Variants in XYLT2 observed in about 807,000 individuals in gnomAD.
XYLT2 encodes UDP-D-xylose:proteoglycan core protein beta-D-xylosyltransferase.
Under a neutral mutation model 82.6 loss-of-function variants are expected in XYLT2, and 37 were observed. The observed-to-expected ratio is 0.45, with a 90% CI of 0.34 to 0.59. XYLT2 has a LOEUF of 0.59. Ranked by LOEUF, XYLT2 falls within the 20% of genes least tolerant of loss-of-function variation. The pLI is 0.01. For missense variants in XYLT2, 934 were observed against 1,181.3 expected, an observed-to-expected ratio of 0.79 and a Z score of 3.07; for synonymous variants, 474 against 499.0, an observed-to-expected ratio of 0.95 and a Z score of 0.67.
intron 1 of XYLT2, among the ~76,000 whole-genome samples, chr17:50,351,073 G>T (rs1246686283): frequency 6.6e-6 from 1 of 152,158 alleles, no homozygotes; most frequent in South Asian, 2.1e-4. Context: ...TCCTGTAAGG[G>T]CCTTGGTTTT....
intron 9 of XYLT2, 75 bp from the exon 10 acceptor site, chr17:50,358,132 C>A: frequency 1.5e-6 from 2 of 1,344,248 alleles, no homozygotes; most frequent in Non-Finnish European, 2.0e-6. Context: ...TGAGATTACA[C>A]AGTGAGAGGC....
intron 7 of XYLT2, 105 bp from the exon 8 acceptor site, chr17:50,356,406 G>A: frequency 1.9e-6 from 3 of 1,551,280 alleles, no homozygotes; most frequent in Non-Finnish European, 2.6e-6. Flanking sequence ...ACAGCAGCAG[G>A]AAAAGCCGCA....
At position 50,358,204 on chromosome 17, in the gene XYLT2, C is replaced by A; in HGVS notation, c.1942-3C>A. The A allele has an allele frequency of 6.3e-7, 1 of 1,586,926 alleles. No individual in the cohort carries two copies. Among genetic ancestry groups the A allele is most frequent in the Non-Finnish European group, 8.6e-7 (1 of 1,164,568 alleles). On this transcript the variant is annotated splice_region_variant and splice_polypyrimidine_tract_variant and intron_variant, in intron 9 of 10. Transcript: ENST00000017003. ...TCCTGCCCAGCTGCCTCTCTCTCTA[C>A]AGGTTGGCACTGATTGGGACCCCAA...
At position 50,354,466 on chromosome 17, in the gene XYLT2, C is replaced by T; in HGVS notation, c.687C>T (p.Gly229=). 4 of 1,611,844 alleles carry T rather than the reference C, an allele frequency of 2.5e-6. No individual in the cohort carries two copies. Among genetic ancestry groups the T allele is most frequent in the South Asian group, 1.1e-5 (1 of 91,000 alleles). The change falls in exon 3 of 11, where the codon GGC becomes GGT. Residue 229 remains glycine, a synonymous_variant. Transcript: ENST00000017003. ...GCCAAGCCCAGCAGCCCATGGATGG[C>T]CCCCCGGTGCGAATCGCCTACATGC... is the stretch of plus-strand genomic sequence containing the variant. The part of the protein sequence containing the change: ...DESQAQQPMD[G]PPVRIAYMLV...
rs370835556 is a variant in XYLT2 at position 50,354,105 on chromosome 17, G to A, written c.611G>A (p.Arg204Gln). 10 of 1,604,680 alleles carry A rather than the reference G, an allele frequency of 6.2e-6. No individual in the cohort carries two copies. The highest frequency in any genetic ancestry group is 4.4e-5 in the South Asian group (4 of 91,074). Residue 204 changes from arginine to glutamine, a missense_variant, in exon 2 of 11, where the codon CGG becomes CAG. Physicochemically the swap from Arg to Gln is conservative, Grantham distance 43. Around this residue, in one of 3 missense-constraint regions of XYLT2, gnomAD observed 371 missense variants for 394.9 expected, o/e 0.94. Transcript: ENST00000017003. Reference sequence around the variant, plus strand: ...AGCCTCATGCCCAAGGCTGTGCCCCGGCACTGTCAGCTGACTGGTGAGGGA... The same window carrying A: ...AGCCTCATGCCCAAGGCTGTGCCCCAGCACTGTCAGCTGACTGGTGAGGGA... ...AGSLMPKAVP[R>Q]HCQLTGKMSP...
chr17:50,350,097 C>G (rs146418865), intron 1 of XYLT2, among the ~76,000 whole-genome samples: 3,627 of 144,860 alleles, frequency 0.025, 223 homozygotes, highest in Middle Eastern at 0.067. Flanking sequence ...GCACGAGAAT[C>G]GCTTGAACCT....
At position 50,346,179 on chromosome 17, in the gene XYLT2, C is replaced by A; in HGVS notation, c.39C>A (p.Arg13=). ...CGCGAGTGCAGAAGCTGGTGCGGCGCTACAAGCTGGCGATTGCCACGGCGC... is the reference window on the plus strand; with the variant it reads ...CGCGAGTGCAGAAGCTGGTGCGGCGATACAAGCTGGCGATTGCCACGGCGC... The part of the protein sequence containing the change: ...ASARVQKLVR[R]YKLAIATALA... The change falls in exon 1 of 11, where the codon CGC becomes CGA. Residue 13 remains arginine, a synonymous_variant. Coordinates refer to ENST00000017003, the MANE Select transcript of XYLT2 (RefSeq NM_022167.4). This position sits in a 1 kb window ranked among gnomAD's most constrained non-coding sequence, Gnocchi z 5.1. 1 of 1,289,142 alleles carries A rather than the reference C, an allele frequency of 7.8e-7. No individual in the cohort carries two copies. Among genetic ancestry groups the A allele is most frequent in the Non-Finnish European group, 1.0e-6 (1 of 992,556 alleles). 79.9% of individuals were successfully genotyped at this position (1,289,142 alleles called of 1,614,324 possible).
intron 1 of XYLT2, among the ~76,000 whole-genome samples, chr17:50,350,758 AGAG>A (rs1385646677): frequency 2.6e-5 from 4 of 152,034 alleles, no homozygotes; most frequent in African/African-American, 7.3e-5. Context: ...GGTGAAAAGC[AGAG>A]GAGGAGGGAG....
In XYLT2 at chr17:50,346,248, C is replaced by T. The variant is rs1912029733; in HGVS notation, c.108C>T (p.Ser36=). 2.5e-6 allele frequency: 3 copies of T among 1,223,916 alleles called. No homozygotes were observed. The highest frequency in any genetic ancestry group is 3.6e-5 in the South Asian group (2 of 55,990). 75.8% of individuals were successfully genotyped at this position (1,223,916 alleles called of 1,614,324 possible). A position where few individuals can be genotyped will look rare whatever the true frequency, so the allele number is the denominator to read the frequency against. ...LLQGLVVWSF[S]GLEEDEAGEK... ...AGGGCCTGGTAGTGTGGAGCTTCAG[C>T]GGCCTGGAGGAGGACGAGGCGGGCG... Residue 36 remains serine (S), a synonymous_variant, in exon 1 of 11, where the codon AGC becomes AGT. Coordinates refer to ENST00000017003, the MANE Select transcript of XYLT2 (RefSeq NM_022167.4). The surrounding 1 kb of genome is among the most constrained non-coding windows in gnomAD (Gnocchi z 5.1).
At position 50,359,953 on chromosome 17, in the gene XYLT2, T is replaced by G. The variant is rs1434234077; in HGVS notation, c.2276-16T>G. 3.8e-6 allele frequency: 6 copies of G among 1,562,540 alleles called. No individual in the cohort carries two copies. Among genetic ancestry groups the G allele is most frequent in the Non-Finnish European group, 4.3e-6 (5 of 1,150,176 alleles). On this transcript the variant is annotated splice_polypyrimidine_tract_variant and intron_variant, in intron 10 of 10. Coordinates refer to ENST00000017003, the MANE Select transcript of XYLT2 (RefSeq NM_022167.4). Reference sequence around the variant, plus strand: ...TGTTGCAGGGGGTGTGCTTACTGCCTGCTCTGCACCCACAGATGATGCCAG... The same window carrying G: ...TGTTGCAGGGGGTGTGCTTACTGCCGGCTCTGCACCCACAGATGATGCCAG...
chr17:50,356,524 C>G lies in XYLT2; in HGVS notation c.1496C>G (p.Pro499Arg). ...DFLRLQQVSR[P>R]TFFARKFEST... ...CTCCCACTCCAGCAAGTCTCCAGAC[C>G]CACCTTCTTCGCCCGGAAGTTCGAG... Residue 499 changes from proline (P) to arginine (R), a missense_variant, in exon 8 of 11, where the codon CCC becomes CGC. By Grantham distance (103) the Pro-to-Arg change is moderately radical. Coordinates refer to ENST00000017003, the MANE Select transcript of XYLT2 (RefSeq NM_022167.4). The G allele has an allele frequency of 6.2e-7, 1 of 1,614,060 alleles. No homozygotes were observed.
chr17:50,349,826 G>C (rs953120047), intron 1 of XYLT2, among the ~76,000 whole-genome samples: 22 of 152,280 alleles, frequency 1.4e-4, no homozygotes, highest in African/African-American at 5.3e-4. Context: ...AGGATCTTGG[G>C]TCTCTCTTGA....
chr17:50,346,817 A>T lies in XYLT2; in HGVS notation c.135+542A>T. The T allele has an allele frequency of 3.0e-6, 3 of 985,312 alleles. No individual in the cohort carries two copies. In the African/African-American group the frequency reaches 5.2e-5, roughly 17 times the overall value. 61.0% of individuals were successfully genotyped at this position (985,312 alleles called of 1,614,324 possible). A position where few individuals can be genotyped will look rare whatever the true frequency, so the allele number is the denominator to read the frequency against. ...AAAGTGTGTACCCGGGAACTGAAGG[A>T]ACAGGGAGTGACGCCGAAGGAGAGA... On this transcript the variant is annotated intron_variant, in intron 1 of 10. Coordinates refer to ENST00000017003, the MANE Select transcript of XYLT2 (RefSeq NM_022167.4). The surrounding 1 kb of genome is among the most constrained non-coding windows in gnomAD (Gnocchi z 5.1).
At chr17:50,353,540 G>C in intron 1 of XYLT2, 90 bp from the exon 2 acceptor site, 1 of 1,502,084 alleles carries the variant, frequency 6.7e-7, no homozygotes, top group South Asian at 1.3e-5. Flanking sequence ...GGAACATCTA[G>C]GTCTGAGGGT....
Position 50,357,155 on chromosome 17 carries a change from A to G in XYLT2, c.1844A>G (p.Gln615Arg). The change falls in exon 9 of 11, where the codon CAG becomes CGG. Residue 615 changes from glutamine to arginine, a missense_variant. Gln to Arg is a conservative substitution (Grantham distance 43). Around this residue, in one of 3 missense-constraint regions of XYLT2, gnomAD observed 374 missense variants for 465.6 expected, o/e 0.80. Coordinates refer to ENST00000017003, the MANE Select transcript of XYLT2 (RefSeq NM_022167.4). ...LVTQAVQPSAQGPAETLEMWL... is the reference protein window; with the variant it reads ...LVTQAVQPSARGPAETLEMWL... The stretch of plus-strand genomic sequence containing the variant: ...ACGCAGGCGGTGCAGCCCTCAGCCC[A>G]GGGGCCGGCAGAGACGCTTGAGATG... 1.2e-6 allele frequency: 2 copies of G among 1,613,460 alleles called. No homozygotes were observed. The highest frequency in any genetic ancestry group is 1.7e-6 in the Non-Finnish European group (2 of 1,179,926).
intron 8 of XYLT2, 63 bp downstream of exon 8, chr17:50,356,836 C>A: frequency 6.5e-7 from 1 of 1,547,388 alleles, no homozygotes; most frequent in South Asian, 1.2e-5. Context: ...GGAGGCCAAC[C>A]AGAGAGTGAC....
intron 1 of XYLT2, among the ~76,000 whole-genome samples, chr17:50,349,624 G>A (rs1912172138): frequency 6.6e-6 from 1 of 152,236 alleles, no homozygotes; most frequent in South Asian, 2.1e-4. Flanking sequence ...CTGGCTGGGT[G>A]CTAGGCACAG....
Position 50,361,025 on chromosome 17 carries a change from G to A in XYLT2, c.*734G>A, listed in dbSNP as rs561097978. 4 of 985,950 alleles carry A rather than the reference G, an allele frequency of 4.1e-6. No homozygotes were observed. The East Asian group carries it at 4.5e-4, about 112-fold the overall frequency. The allele number at this position is 985,950 out of a possible 1,614,324, so 61.1% of individuals were successfully genotyped here. On this transcript the variant is annotated 3_prime_UTR_variant, in exon 11 of 11. Coordinates refer to ENST00000017003, the MANE Select transcript of XYLT2 (RefSeq NM_022167.4). ...GAGTTTCCAGGTGTGCACTGGAAGT[G>A]AGGTCACATGAGCAGCGTGGGAAGA...
In XYLT2 at chr17:50,346,263, C is replaced by A; in HGVS notation, c.123C>A (p.Asp41Glu). 2 of 1,157,892 alleles carry A rather than the reference C, an allele frequency of 1.7e-6. No individual in the cohort carries two copies. 71.7% of individuals were successfully genotyped at this position (1,157,892 alleles called of 1,614,324 possible). A position where few individuals can be genotyped will look rare whatever the true frequency, so the allele number is the denominator to read the frequency against. Residue 41 changes from aspartate to glutamate, a missense_variant, in exon 1 of 11, where the codon GAC (aspartate) becomes GAA (glutamate). This residue lies in a region of XYLT2 where 371 missense variants were observed against 394.9 expected (regional missense o/e 0.94). Coordinates refer to ENST00000017003, the MANE Select transcript of XYLT2 (RefSeq NM_022167.4). The surrounding 1 kb of genome is among the most constrained non-coding windows in gnomAD (Gnocchi z 5.1). Reference sequence around the variant, plus strand: ...GGAGCTTCAGCGGCCTGGAGGAGGACGAGGCGGGCGAGGTGCTCCGACGGC... The same window carrying A: ...GGAGCTTCAGCGGCCTGGAGGAGGAAGAGGCGGGCGAGGTGCTCCGACGGC... The part of the protein sequence containing the change: ...VVWSFSGLEE[D>E]EAGEKGRQRK...
Sources: allele counts gnomAD v4.1 joint callset (sites outside exome capture counted in the v4.1 genomes callset), GRCh38; gene constraint gnomAD v4.1.1; regional missense constraint gnomAD v4.1.1; non-coding constraint Gnocchi (gnomAD v3.1); transcripts MANE v1.5; gene names NCBI Gene and HGNC (gene_info 2026-07-23, HGNC 2026-07-21).